The following UBE2N variants were observed in gnomAD, a reference collection of about 807,000 sequenced individuals.
The protein encoded by UBE2N is ubiquitin conjugating enzyme E2 N, also known as ubiquitin-conjugating enzyme E2 N.
For missense variants in UBE2N, 60 were observed against 192.1 expected (o/e 0.31, Z 4.07); for synonymous variants, 70 against 69.2 (o/e 1.01, Z -0.06).
In UBE2N at chr12:93,410,131, A is replaced by G. The variant is rs748166793; in HGVS notation, c.419-52T>C. On this transcript the variant is annotated intron_variant, in intron 3 of 3. Transcript: ENST00000318066. ...ATTATTTTACTTAGTTCAATATGTT[A>G]CTTTCCAAACTATAAATGGCAAACA... 6 of 1,546,006 alleles carry G rather than the reference A, an allele frequency of 3.9e-6. No individual in the cohort carries two copies. The South Asian group carries it at 6.8e-5, about 18-fold the overall frequency.
rs1186760007 is a variant in UBE2N at position 93,407,634 on chromosome 12, G to T, written c.*2405C>A. The T allele has an allele frequency of 6.6e-6, 1 of 152,196 alleles. No homozygotes were observed. Among genetic ancestry groups the T allele is most frequent in the Non-Finnish European group, 1.5e-5 (1 of 68,038 alleles). 9.4% of individuals were successfully genotyped at this position (152,196 alleles called of 1,614,324 possible). A position where few individuals can be genotyped will look rare whatever the true frequency, so the allele number is the denominator to read the frequency against. ...CAGGTCTACTGTTGCCAGATCTTCAGATCATTCAAAAGTTACCCGAATTCT... is the reference window on the plus strand; with the variant it reads ...CAGGTCTACTGTTGCCAGATCTTCATATCATTCAAAAGTTACCCGAATTCT... On this transcript the variant is annotated 3_prime_UTR_variant, in exon 4 of 4. Transcript: ENST00000318066.
chr12:93,414,829 T>G (rs1306576839), intron 1 of UBE2N, among the ~76,000 whole-genome samples: 1 of 152,198 alleles, frequency 6.6e-6, no homozygotes, highest in Non-Finnish European at 1.5e-5. Context: ...CAAATCTCAT[T>G]TCTACTTATT....
chr12:93,411,427 C>T, intron 1 of UBE2N, 128 bp from the exon 2 acceptor site: 2 of 1,343,578 alleles, frequency 1.5e-6, no homozygotes, highest in Admixed American at 5.9e-5. Context: ...ACAGATTTAG[C>T]TTATAAAATG....
intron 1 of UBE2N, among the ~76,000 whole-genome samples, 158 bp downstream of exon 1, chr12:93,441,697 G>C (rs948465926): frequency 2.0e-5 from 3 of 151,738 alleles, no homozygotes; most frequent in Admixed American, 6.6e-5. Flanking sequence ...CCCCTCCTCA[G>C]CACCCGACTT....
rs752340935 is a variant in UBE2N, at chr12:93,410,031, G to C, written c.*8C>G. 14 of 1,612,114 alleles carry C rather than the reference G, an allele frequency of 8.7e-6. No homozygotes were observed. The highest frequency in any genetic ancestry group is 3.3e-5 in the South Asian group (3 of 90,828). On this transcript the variant is annotated 3_prime_UTR_variant, in exon 4 of 4. Coordinates refer to ENST00000318066, the MANE Select transcript of UBE2N (RefSeq NM_003348.4). ...GAGAAGTGATGCACACTTGATGATC[G>C]TATCAATTTAAATATTATTCATGGC... is the stretch of plus-strand genomic sequence containing the variant.
intron 1 of UBE2N, 25 bp downstream of exon 1, chr12:93,441,830 G>T: frequency 6.3e-7 from 1 of 1,580,664 alleles, no homozygotes; most frequent in Non-Finnish European, 8.6e-7. Flanking sequence ...AGAGCGAAGA[G>T]CTGGAGGCCG....
In UBE2N at chr12:93,408,265, A is replaced by G. The variant is rs1013966690; in HGVS notation, c.*1774T>C. ...GCTGCTATCAGTTTTCAAATTTTACAATATTAGGGTTGTTAACTATTTCAT... is the reference window on the plus strand; with the variant it reads ...GCTGCTATCAGTTTTCAAATTTTACGATATTAGGGTTGTTAACTATTTCAT... On this transcript the variant is annotated 3_prime_UTR_variant, in exon 4 of 4. Coordinates refer to ENST00000318066, the MANE Select transcript of UBE2N (RefSeq NM_003348.4). The G allele has an allele frequency of 2.6e-5, 4 of 152,260 alleles. No homozygotes were observed. Among genetic ancestry groups the G allele is most frequent in the African/African-American group, 9.6e-5 (4 of 41,474 alleles). 9.4% of individuals were successfully genotyped at this position (152,260 alleles called of 1,614,324 possible). A position where few individuals can be genotyped will look rare whatever the true frequency, so the allele number is the denominator to read the frequency against.
chr12:93,436,396 G>T (rs1878935052), intron 1 of UBE2N, among the ~76,000 whole-genome samples: 1 of 152,206 alleles, frequency 6.6e-6, no homozygotes, highest in South Asian at 2.1e-4. Flanking sequence ...GAGCCACAGT[G>T]CTCAGCCCTC....
intron 1 of UBE2N, among the ~76,000 whole-genome samples, chr12:93,428,597 G>A (rs1051301531): frequency 2.0e-5 from 3 of 152,190 alleles, no homozygotes; most frequent in Admixed American, 6.5e-5. Flanking sequence ...TTGCATTGAA[G>A]CCAAGCACAC....
chr12:93,416,221 T>C (rs1175191420), intron 1 of UBE2N, among the ~76,000 whole-genome samples: 1 of 152,190 alleles, frequency 6.6e-6, no homozygotes. Flanking sequence ...GAAACAAGTC[T>C]GAAATGGCAG....
At chr12:93,425,311 G>C (rs1228076106) in intron 1 of UBE2N, among the ~76,000 whole-genome samples, 2 of 152,100 alleles carry the variant, frequency 1.3e-5, no homozygotes, top group African/African-American at 2.4e-5. Flanking sequence ...TAGAGAATTA[G>C]GAAGTAAGGC....
intron 1 of UBE2N, among the ~76,000 whole-genome samples, chr12:93,440,864 G>A (rs983107642): frequency 6.6e-6 from 1 of 152,118 alleles, no homozygotes; most frequent in African/African-American, 2.4e-5. Context: ...ATACATACTT[G>A]TCAAAACACA....
In UBE2N at chr12:93,405,936, T is replaced by C. The variant is rs1877787882; in HGVS notation, c.*4103A>G. 6.6e-6 allele frequency: 1 copy of C among 152,108 alleles called. No individual in the cohort carries two copies. Among genetic ancestry groups the C allele is most frequent in the African/African-American group, 2.4e-5 (1 of 41,430 alleles). The allele number at this position is 152,108 out of a possible 1,614,324, so 9.4% of individuals were successfully genotyped here. A position where few individuals can be genotyped will look rare whatever the true frequency, so the allele number is the denominator to read the frequency against. On this transcript the variant is annotated 3_prime_UTR_variant, in exon 4 of 4. Coordinates refer to ENST00000318066, the MANE Select transcript of UBE2N (RefSeq NM_003348.4). ...TGGTATTTTCTTTTTTGGCCAGCTTTTCTAGATAAGGTTGTATTGCTACTG... is the reference window on the plus strand; with the variant it reads ...TGGTATTTTCTTTTTTGGCCAGCTTCTCTAGATAAGGTTGTATTGCTACTG...
At position 93,409,817 on chromosome 12, in the gene UBE2N, A is replaced by C. The variant is rs1175283486; in HGVS notation, c.*222T>G. 1.9e-6 allele frequency: 1 copy of C among 537,904 alleles called. No homozygotes were observed. Among genetic ancestry groups the C allele is most frequent in the Non-Finnish European group, 3.3e-6 (1 of 300,988 alleles). The allele number at this position is 537,904 out of a possible 1,614,324, so 33.3% of individuals were successfully genotyped here. On this transcript the variant is annotated 3_prime_UTR_variant, in exon 4 of 4. Coordinates refer to ENST00000318066, the MANE Select transcript of UBE2N (RefSeq NM_003348.4). ...AGGGGCCACTGCTTTTAAACGTTTC[A>C]CAACAATCCAGATGATACTTCTAGC...
At chr12:93,427,169 C>T (rs1300261664) in intron 1 of UBE2N, among the ~76,000 whole-genome samples, 1 of 152,214 alleles carries the variant, frequency 6.6e-6, no homozygotes, top group African/African-American at 2.4e-5. Context: ...ATTGGCCCGC[C>T]TCAGCCTCCC....
Position 93,409,810 on chromosome 12 carries a change from AC to A in UBE2N, c.*228del, listed in dbSNP as rs1406342839. The A allele has an allele frequency of 5.8e-6, 3 of 514,562 alleles. No homozygotes were observed. The highest frequency in any genetic ancestry group is 4.1e-5 in the African/African-American group (2 of 49,062). 31.9% of individuals were successfully genotyped at this position (514,562 alleles called of 1,614,324 possible). On this transcript the variant is annotated 3_prime_UTR_variant, in exon 4 of 4. Coordinates refer to ENST00000318066, the MANE Select transcript of UBE2N (RefSeq NM_003348.4). Reference sequence around the variant, plus strand: ...AGCAGGGAGGGGCCACTGCTTTTAAACGTTTCACAACAATCCAGATGATACT... The same window carrying A: ...AGCAGGGAGGGGCCACTGCTTTTAAAGTTTCACAACAATCCAGATGATACT...
At chr12:93,436,296 G>T (rs1878932645) in intron 1 of UBE2N, among the ~76,000 whole-genome samples, 1 of 152,098 alleles carries the variant, frequency 6.6e-6, no homozygotes, top group African/African-American at 2.4e-5. Flanking sequence ...TAGAGACAAG[G>T]TCTCATTATG....
At chr12:93,410,442 AAGTTTTCCAGTATTCTTTAC>A (rs1878000296) in intron 3 of UBE2N, 3 of 524,574 alleles carry the variant, frequency 5.7e-6, no homozygotes, top group African/African-American at 3.8e-5. Context: ...AAAACAGTTC[AAGTTTTCCAGTATTCTTTAC>A]ATATAACTAG....
intron 1 of UBE2N, among the ~76,000 whole-genome samples, chr12:93,426,632 T>G (rs576411503): frequency 6.6e-6 from 1 of 152,106 alleles, no homozygotes; most frequent in African/African-American, 2.4e-5. Context: ...TTCTTACCCA[T>G]CCCTATCTAT....
Sources: allele counts gnomAD v4.1 joint callset (sites outside exome capture counted in the v4.1 genomes callset), GRCh38; gene constraint gnomAD v4.1.1; transcripts MANE v1.5; gene names NCBI Gene and HGNC (gene_info 2026-07-23, HGNC 2026-07-21).